WFDC3: variants seen among roughly 807,000 people sequenced by gnomAD.
The protein encoded by WFDC3 is WAP four-disulfide core domain 3.
A neutral mutation model predicts 25.8 loss-of-function variants in WFDC3; 15 were observed. That is an observed-to-expected ratio of 0.58 (90% confidence interval 0.39 to 0.89). The LOEUF (loss-of-function observed/expected upper bound fraction) is 0.89, where lower values mean the gene tolerates loss of function less well. Ranked by LOEUF, WFDC3 falls within the 40% of genes least tolerant of loss-of-function variation. WFDC3 has a pLI of 0.00. For missense variants in WFDC3, 264 were observed against 289.8 expected (o/e 0.91, Z 0.65); for synonymous variants, 103 against 107.1 (o/e 0.96, Z 0.24).
intron 2 of WFDC3, among the ~76,000 whole-genome samples, chr20:45,789,662 G>A (rs540022240): frequency 1.3e-5 from 2 of 152,258 alleles, no homozygotes; most frequent in South Asian, 4.1e-4. Context: ...GGAAAAGCTA[G>A]AACCTCTAGT....
intron 1 of WFDC3, among the ~76,000 whole-genome samples, chr20:45,791,296 G>A (rs1264233922): frequency 3.1e-5 from 3 of 96,098 alleles, no homozygotes; most frequent in African/African-American, 1.2e-4. Context: ...TGCCTAATGT[G>A]CTTTTTTTTT....
chr20:45,782,725 G>C (rs368672159), intron 4 of WFDC3, among the ~76,000 whole-genome samples: 19 of 152,154 alleles, frequency 1.2e-4, no homozygotes, highest in African/African-American at 4.6e-4. Flanking sequence ...TCTAAGCCCC[G>C]ATCATCTCTC....
intron 4 of WFDC3, among the ~76,000 whole-genome samples, chr20:45,783,199 T>C (rs953207499): frequency 4.6e-5 from 7 of 152,024 alleles, no homozygotes; most frequent in Non-Finnish European, 8.8e-5. Context: ...AGTAAACGGA[T>C]AGGTCAGGCA....
At chr20:45,777,289 T>C in intron 4 of WFDC3, 80 bp from the exon 5 acceptor site, 4 of 1,232,440 alleles carry the variant, frequency 3.2e-6, no homozygotes, top group Non-Finnish European at 1.0e-6. Flanking sequence ...TGTATGTTTA[T>C]ATATAGTTAT....
intron 3 of WFDC3, chr20:45,788,695 T>C (rs6032535): frequency 0.63 from 263,917 of 421,368 alleles, 83,905 homozygotes; most frequent in Admixed American, 0.72. Context: ...ACAGGAACTT[T>C]GAGTCCAAAG....
chr20:45,791,140 C>T (rs1980953880), intron 1 of WFDC3, among the ~76,000 whole-genome samples: 1 of 132,646 alleles, frequency 7.5e-6, no homozygotes. Flanking sequence ...AGATAATTAA[C>T]ATTTGATGAT....
chr20:45,787,698 T>C, intron 4 of WFDC3, 138 bp downstream of exon 4: 2 of 1,175,344 alleles, frequency 1.7e-6, no homozygotes, highest in South Asian at 3.8e-5. Context: ...TTATGGCTTG[T>C]GCACCCTTTG....
At chr20:45,784,271 G>A (rs1305559033) in intron 4 of WFDC3, among the ~76,000 whole-genome samples, 1 of 152,232 alleles carries the variant, frequency 6.6e-6, no homozygotes, top group East Asian at 1.9e-4. Flanking sequence ...GGCTGCCCAA[G>A]ATAGCTGCCT....
At chr20:45,787,790 C>G in intron 4 of WFDC3, 46 bp downstream of exon 4, 1 of 1,552,404 alleles carries the variant, frequency 6.4e-7, no homozygotes, top group South Asian at 1.2e-5. Context: ...GAGAAATAAA[C>G]AAGCAGACCA....
At position 45,777,179 on chromosome 20, in the gene WFDC3, G is replaced by C. The variant is rs1172653495; in HGVS notation, c.389C>G (p.Pro130Arg). 1.3e-6 allele frequency: 2 copies of C among 1,585,986 alleles called. No individual in the cohort carries two copies. Among genetic ancestry groups the C allele is most frequent in the Middle Eastern group, 1.7e-4 (1 of 5,964 alleles). Reference sequence around the variant, plus strand: ...ATCACACAGCTCCTCACACGGAAGGGGGTCAGCGGGACATTCACCACCAAA... The same window carrying C: ...ATCACACAGCTCCTCACACGGAAGGCGGTCAGCGGGACATTCACCACCAAA... ...AEFGGECPAD[P>R]LPCEELCDGD... is the part of the protein sequence containing the mutation. Residue 130 changes from proline to arginine, a missense_variant, in exon 5 of 7, where the codon CCC becomes CGC. Transcript: ENST00000243938.
chr20:45,775,296 T>C (rs965602796), intron 6 of WFDC3, 121 bp downstream of exon 6: 2 of 1,352,590 alleles, frequency 1.5e-6, no homozygotes, highest in East Asian at 4.6e-5. Flanking sequence ...ATCTGGGACA[T>C]AGGTTCTTTC....
At chr20:45,788,844 C>A in intron 3 of WFDC3, 87 bp downstream of exon 3, 1 of 1,506,244 alleles carries the variant, frequency 6.6e-7, no homozygotes, top group South Asian at 1.4e-5. Context: ...CAGAGGCAAC[C>A]TAGAAGGTGG....
chr20:45,788,950 G>A lies in WFDC3; in HGVS notation c.192C>T (p.Ile64=). 1 of 1,612,504 alleles carries A rather than the reference G, an allele frequency of 6.2e-7. No individual in the cohort carries two copies. Among genetic ancestry groups the A allele is most frequent in the Non-Finnish European group, 8.5e-7 (1 of 1,179,446 alleles). Residue 64 remains isoleucine (I), a synonymous_variant, in exon 3 of 7, where the codon ATC becomes ATT. Transcript: ENST00000243938. ...QKCCTTGCGR[I]CRDIPKGRKR... ...ACATACCCTTAGGAATGTCTCGGCAGATCCGACCACAGCCTGTGGTGCAGC... is the reference window on the plus strand; with the variant it reads ...ACATACCCTTAGGAATGTCTCGGCAAATCCGACCACAGCCTGTGGTGCAGC...
At position 45,775,603 on chromosome 20, in the gene WFDC3, C is replaced by T. The variant is rs535428550; in HGVS notation, c.494-1G>A. 6.2e-7 allele frequency: 1 copy of T among 1,614,080 alleles called. No homozygotes were observed. The highest frequency in any genetic ancestry group is 2.2e-5 in the East Asian group (1 of 44,878). ...ACTTTTGGACAATCACCGCCCCGCC[C>T]TGTGGGAACAACAGGCACAGGAAAA... is the stretch of plus-strand genomic sequence containing the variant. On this transcript the variant is annotated splice_acceptor_variant, in intron 5 of 6. Coordinates refer to ENST00000243938, the MANE Select transcript of WFDC3 (RefSeq NM_080614.2). LOFTEE classifies it high-confidence loss of function.
At chr20:45,778,656 G>A (rs1980300678) in intron 4 of WFDC3, 1 of 152,066 alleles carries the variant, frequency 6.6e-6, no homozygotes, top group South Asian at 2.1e-4. Context: ...TTTCAATGAG[G>A]AGGCAACTCA....
chr20:45,778,775 A>G (rs1473170474), intron 4 of WFDC3: 1 of 152,008 alleles, frequency 6.6e-6, no homozygotes, highest in East Asian at 1.9e-4. Flanking sequence ...CAACATGCAT[A>G]TGGTTCAAGC....
intron 4 of WFDC3, 125 bp downstream of exon 4, chr20:45,787,711 T>G: frequency 1.6e-6 from 2 of 1,226,158 alleles, no homozygotes; most frequent in Non-Finnish European, 2.1e-6. Context: ...ACCCTTTGTA[T>G]ATCTTTTTTT....
intron 2 of WFDC3, 90 bp downstream of exon 2, chr20:45,789,804 C>A: frequency 5.0e-6 from 6 of 1,197,618 alleles, no homozygotes; most frequent in Non-Finnish European, 7.4e-6. Flanking sequence ...TTACAAGCAA[C>A]CTTGCTCTGG....
intron 4 of WFDC3, among the ~76,000 whole-genome samples, chr20:45,779,280 C>T (rs902890084): frequency 9.2e-5 from 14 of 152,286 alleles, no homozygotes; most frequent in African/African-American, 2.9e-4. Context: ...TTAAAGATTT[C>T]GCAGAAAACC....
Sources: gnomAD v4.1 joint callset for allele counts (sites outside exome capture counted in the v4.1 genomes callset) on GRCh38, gnomAD v4.1.1 for gene constraint, MANE v1.5 for transcripts, NCBI Gene and HGNC (gene_info 2026-07-23, HGNC 2026-07-21) for gene names.